RNF6: variants seen among roughly 807,000 people sequenced by gnomAD.
RNF6 encodes the protein ring finger protein 6, also known as E3 ubiquitin-protein ligase RNF6.
A neutral mutation model predicts 50.1 loss-of-function variants in RNF6; 21 were observed. The ratio of observed to expected loss-of-function variants is 0.42; its 90% CI spans 0.30 to 0.60. The LOEUF is 0.60. RNF6 is among the 20% of genes least tolerant of loss of function. The pLI is 0.20. For synonymous variants in RNF6, 255 were observed against 291.8 expected, an observed-to-expected ratio of 0.87 and a Z score of 1.29; for missense variants, 698 against 838.2, an observed-to-expected ratio of 0.83 and a Z score of 2.07.
intron 5 of RNF6, among the ~76,000 whole-genome samples, chr13:26,206,581 G>T (rs1007381491): frequency 6.6e-6 from 1 of 152,226 alleles, no homozygotes; most frequent in South Asian, 2.1e-4. Context: ...TCTTGGACTC[G>T]CCTGGGAGCC....
At chr13:26,218,995 C>T (rs1374205851) in intron 3 of RNF6, among the ~76,000 whole-genome samples, 1 of 152,028 alleles carries the variant, frequency 6.6e-6, no homozygotes, top group African/African-American at 2.4e-5. Flanking sequence ...TATGGGTCAT[C>T]AATATACAAA....
chr13:26,142,663 C>A (rs1871020052), intron 5 of RNF6, among the ~76,000 whole-genome samples: 1 of 151,832 alleles, frequency 6.6e-6, no homozygotes. Context: ...TAAGTGAGAA[C>A]TAAATCTTGG....
chr13:26,168,149 CAA>C (rs1344455183), intron 5 of RNF6, among the ~76,000 whole-genome samples: 2 of 152,132 alleles, frequency 1.3e-5, no homozygotes, highest in African/African-American at 4.8e-5. Flanking sequence ...ATCCCCATGA[CAA>C]GAGTTTCCCT....
At chr13:26,181,943 T>C (rs1433567533) in intron 5 of RNF6, among the ~76,000 whole-genome samples, 1 of 152,222 alleles carries the variant, frequency 6.6e-6, no homozygotes, top group Non-Finnish European at 1.5e-5. Context: ...GTTGTTTTTA[T>C]TTCTTGACCC....
At chr13:26,192,355 A>G (rs931530046) in intron 5 of RNF6, among the ~76,000 whole-genome samples, 3 of 152,222 alleles carry the variant, frequency 2.0e-5, no homozygotes, top group Non-Finnish European at 4.4e-5. Context: ...CAAAGCCAAT[A>G]GAATTTGCTC....
At chr13:26,140,829 G>T (rs893592858) in intron 5 of RNF6, among the ~76,000 whole-genome samples, 1 of 152,060 alleles carries the variant, frequency 6.6e-6, no homozygotes, top group South Asian at 2.1e-4. Flanking sequence ...CATCTGCATA[G>T]AACAATAATG....
intron 5 of RNF6, among the ~76,000 whole-genome samples, chr13:26,203,951 T>TCAAACAAA (rs199725066): frequency 3.0e-4 from 45 of 151,946 alleles, no homozygotes; most frequent in African/African-American, 7.5e-4. Flanking sequence ...AGACTCGGTC[T>TCAAACAAA]CAAACAAACA....
At chr13:26,204,354 G>A (rs569611699) in intron 5 of RNF6, among the ~76,000 whole-genome samples, 3 of 151,778 alleles carry the variant, frequency 2.0e-5, no homozygotes, top group East Asian at 3.9e-4. Context: ...AAAATTAGCC[G>A]GGCATGGTGG....
intron 5 of RNF6, among the ~76,000 whole-genome samples, chr13:26,177,808 A>G (rs1208859619): frequency 1.3e-5 from 2 of 152,214 alleles, no homozygotes. Flanking sequence ...GCATTGGTGC[A>G]AGAGCCTCCC....
At chr13:26,143,939 G>A (rs574434024) in intron 5 of RNF6, among the ~76,000 whole-genome samples, 1 of 152,276 alleles carries the variant, frequency 6.6e-6, no homozygotes, top group African/African-American at 2.4e-5. Flanking sequence ...TTTGGCAGAA[G>A]CATTGTTTAC....
chr13:26,220,757 C>T lies in RNF6; in HGVS notation c.-19+491G>A, dbSNP rs554563811. On this transcript the variant is annotated intron_variant, in intron 2 of 4. Transcript: ENST00000381588. ...AGGGTATGAGTAATACAGCACCTGACTCAGTAGAGGCTGGAGGCTCAAATG... is the reference window on the plus strand; with the variant it reads ...AGGGTATGAGTAATACAGCACCTGATTCAGTAGAGGCTGGAGGCTCAAATG... Among the ~76,000 whole-genome samples the T allele has an allele frequency of 2.0e-5, 3 of 152,290 alleles. No homozygotes were observed. In the South Asian group the frequency reaches 6.2e-4, roughly 32 times the overall value.
At position 26,148,968 on chromosome 13, in the gene RNF6, T is replaced by A. The variant is rs183639604; in HGVS notation, n.769-16517A>T. On this transcript the variant is annotated intron_variant and non_coding_transcript_variant, in intron 5 of 5. Coordinates refer to the RNF6 transcript ENST00000468480. ...TGCTCAGGGAATGGCCAGCTTTTTTTATCTATTCAGGCCTGTAATTGATTG... is the reference window on the plus strand; with the variant it reads ...TGCTCAGGGAATGGCCAGCTTTTTTAATCTATTCAGGCCTGTAATTGATTG... 7.6e-3 allele frequency among the ~76,000 whole-genome samples: 1,155 copies of A among 152,006 alleles called. 11 individuals carry two copies. The highest frequency in any genetic ancestry group is 0.011 in the Non-Finnish European group (767 of 67,994).
rs1869401098 is a variant in RNF6 at position 26,212,903 on chromosome 13, A to G, written c.*921T>C. On this transcript the variant is annotated 3_prime_UTR_variant, in exon 5 of 5. Coordinates refer to ENST00000381588, the MANE Select transcript of RNF6 (RefSeq NM_005977.4). ...TTTTTAGCCTCCAAGTGAACTTAAC[A>G]TATTGCCTATGCATCTGATTCTTTA... The G allele has an allele frequency of 1.3e-5, 2 of 152,528 alleles. No homozygotes were observed. Among genetic ancestry groups the G allele is most frequent in the African/African-American group, 4.8e-5 (2 of 41,408 alleles). 9.4% of individuals were successfully genotyped at this position (152,528 alleles called of 1,614,324 possible). A position where few individuals can be genotyped will look rare whatever the true frequency, so the allele number is the denominator to read the frequency against.
chr13:26,190,871 A>G (rs1000305723), intron 5 of RNF6, among the ~76,000 whole-genome samples: 8 of 152,178 alleles, frequency 5.3e-5, no homozygotes, highest in Non-Finnish European at 1.2e-4. Context: ...TGGGTTCATC[A>G]TCATCAGTAT....
chr13:26,222,813 G>C (rs1480808596), upstream of RNF6, among the ~76,000 whole-genome samples: 1 of 152,038 alleles, frequency 6.6e-6, no homozygotes, highest in Non-Finnish European at 1.5e-5. Context: ...GTAGAGACGG[G>C]GGTCTCGCTA....
At chr13:26,189,851 C>T (rs530371759) in intron 5 of RNF6, among the ~76,000 whole-genome samples, 5 of 152,320 alleles carry the variant, frequency 3.3e-5, no homozygotes, top group African/African-American at 7.2e-5. Flanking sequence ...AATTGTTTTC[C>T]TGACTCTAAT....
At chr13:26,174,835 G>A (rs1023407457) in intron 5 of RNF6, among the ~76,000 whole-genome samples, 1 of 151,798 alleles carries the variant, frequency 6.6e-6, no homozygotes, top group Non-Finnish European at 1.5e-5. Flanking sequence ...CCTCCACACC[G>A]TGCTTCTGGG....
At chr13:26,161,565 C>A (rs1170015289) in intron 5 of RNF6, among the ~76,000 whole-genome samples, 2 of 152,066 alleles carry the variant, frequency 1.3e-5, no homozygotes, top group African/African-American at 4.8e-5. Flanking sequence ...ACTACATGAC[C>A]TTTGTTACTA....
intron 5 of RNF6, among the ~76,000 whole-genome samples, chr13:26,194,746 A>C (rs1439396455): frequency 6.6e-6 from 1 of 152,164 alleles, no homozygotes; most frequent in Non-Finnish European, 1.5e-5. Flanking sequence ...TCCAAGTCCC[A>C]AAACTGAAGA....
Sources: gnomAD v4.1 joint callset for allele counts (sites outside exome capture counted in the v4.1 genomes callset) on GRCh38, gnomAD v4.1.1 for gene constraint, MANE v1.5 for transcripts, NCBI Gene and HGNC (gene_info 2026-07-23, HGNC 2026-07-21) for gene names.